EFNA5: variants seen among roughly 807,000 people sequenced by gnomAD.
The protein encoded by EFNA5 is ephrin-A5.
In EFNA5, 5 loss-of-function variants were observed where a neutral mutation model predicts 22.9. That is an observed-to-expected ratio of 0.22 (90% CI 0.11 to 0.46). The LOEUF (loss-of-function observed/expected upper bound fraction) is 0.46. EFNA5 is among the 20% of genes least tolerant of loss of function. The pLI, the probability that EFNA5 is intolerant of heterozygous loss-of-function variation, is 0.99. For missense variants in EFNA5, 237 were observed against 293.3 expected (o/e 0.81, Z 1.40); for synonymous variants, 113 against 112.2 (o/e 1.01, Z -0.04).
At chr5:107,486,385 G>C (rs1746620777) in intron 1 of EFNA5, among the ~76,000 whole-genome samples, 1 of 152,112 alleles carries the variant, frequency 6.6e-6, no homozygotes, top group East Asian at 1.9e-4. Flanking sequence ...GGTTCAGGTA[G>C]CTAGAGAAAC....
chr5:107,431,873 C>G (rs1002523357), intron 1 of EFNA5, among the ~76,000 whole-genome samples: 2 of 152,160 alleles, frequency 1.3e-5, no homozygotes, highest in African/African-American at 4.8e-5. Flanking sequence ...TTTCACTTTA[C>G]CAATGAGTCG....
At chr5:107,429,221 T>A (rs1442046032) in intron 1 of EFNA5, among the ~76,000 whole-genome samples, 1 of 152,180 alleles carries the variant, frequency 6.6e-6, no homozygotes, top group African/African-American at 2.4e-5. Flanking sequence ...GGCAGGCGGA[T>A]CACTTGAGTC....
chr5:107,530,427 G>T (rs1454871478), intron 1 of EFNA5, among the ~76,000 whole-genome samples: 2 of 152,124 alleles, frequency 1.3e-5, no homozygotes, highest in Non-Finnish European at 2.9e-5. Flanking sequence ...TATACACCTG[G>T]CAGGTAAGAG....
At chr5:107,575,033 T>C (rs1748898336) in intron 1 of EFNA5, among the ~76,000 whole-genome samples, 1 of 152,220 alleles carries the variant, frequency 6.6e-6, no homozygotes, top group Non-Finnish European at 1.5e-5. Context: ...TTGCTGATGC[T>C]AACGTGAAAA....
chr5:107,498,290 T>C (rs1444006012), intron 1 of EFNA5, among the ~76,000 whole-genome samples: 2 of 152,254 alleles, frequency 1.3e-5, no homozygotes, highest in African/African-American at 4.8e-5. Context: ...TGTGGAATAA[T>C]ATGACACAAC....
chr5:107,534,604 G>A (rs1747892807), intron 1 of EFNA5, among the ~76,000 whole-genome samples: 1 of 152,088 alleles, frequency 6.6e-6, no homozygotes, highest in South Asian at 2.1e-4. Context: ...CTAGCTGTTT[G>A]TACACATATT....
chr5:107,560,516 T>C (rs1580530739), intron 1 of EFNA5, among the ~76,000 whole-genome samples: 1 of 152,326 alleles, frequency 6.6e-6, no homozygotes, highest in East Asian at 1.9e-4. Flanking sequence ...CTTCTTTCCA[T>C]TGAACTACTT....
At chr5:107,530,298 A>T in intron 1 of EFNA5, among the ~76,000 whole-genome samples, 1 of 152,204 alleles carries the variant, frequency 6.6e-6, no homozygotes, top group Admixed American at 6.5e-5. Flanking sequence ...TGAAGCACAT[A>T]CTGCTTCTTA....
chr5:107,615,399 G>A (rs375926569), intron 1 of EFNA5, among the ~76,000 whole-genome samples: 7 of 152,052 alleles, frequency 4.6e-5, no homozygotes, highest in African/African-American at 9.7e-5. Context: ...TCAGGGGGAG[G>A]GGGGAGTGGT....
chr5:107,664,192 TAG>T (rs1321441807), intron 1 of EFNA5, among the ~76,000 whole-genome samples: 1 of 152,190 alleles, frequency 6.6e-6, no homozygotes, highest in African/African-American at 2.4e-5. Context: ...ATAAATCCTT[TAG>T]AGAGTACAAT....
chr5:107,492,303 T>C (rs1746828025), intron 1 of EFNA5, among the ~76,000 whole-genome samples: 1 of 152,228 alleles, frequency 6.6e-6, no homozygotes, highest in South Asian at 2.1e-4. Context: ...TCAAAGATTT[T>C]ATATCTAAAA....
chr5:107,456,495 T>C (rs1201649627), intron 1 of EFNA5, among the ~76,000 whole-genome samples: 1 of 152,104 alleles, frequency 6.6e-6, no homozygotes, highest in African/African-American at 2.4e-5. Flanking sequence ...GTGTAAAAAG[T>C]GGCATGTGTA....
intron 1 of EFNA5, among the ~76,000 whole-genome samples, chr5:107,650,104 G>C (rs1019997191): frequency 1.2e-4 from 19 of 152,110 alleles, no homozygotes; most frequent in African/African-American, 4.1e-4. Flanking sequence ...ATAAACTATA[G>C]TATAACTCAT....
At chr5:107,640,230 G>C (rs1048750236) in intron 1 of EFNA5, among the ~76,000 whole-genome samples, 1 of 152,068 alleles carries the variant, frequency 6.6e-6, no homozygotes, top group Non-Finnish European at 1.5e-5. Flanking sequence ...GAACAGGATG[G>C]CTAATCTCGA....
intron 1 of EFNA5, among the ~76,000 whole-genome samples, chr5:107,523,005 A>G (rs1433716194): frequency 6.6e-6 from 1 of 152,208 alleles, no homozygotes; most frequent in Non-Finnish European, 1.5e-5. Context: ...CCACTGATAC[A>G]GATTCCACAA....
intron 1 of EFNA5, among the ~76,000 whole-genome samples, chr5:107,430,426 T>G (rs945462879): frequency 1.3e-5 from 2 of 152,162 alleles, no homozygotes; most frequent in African/African-American, 4.8e-5. Flanking sequence ...TCACTCATTT[T>G]AGCTTCCACT....
chr5:107,663,997 T>C, intron 1 of EFNA5, among the ~76,000 whole-genome samples: 1 of 152,144 alleles, frequency 6.6e-6, no homozygotes, highest in East Asian at 1.9e-4. Flanking sequence ...TAACCATCAC[T>C]GTGGTACACT....
chr5:107,430,851 A>G (rs1210144041), intron 1 of EFNA5, among the ~76,000 whole-genome samples: 2 of 135,838 alleles, frequency 1.5e-5, no homozygotes, highest in Admixed American at 1.6e-4. Flanking sequence ...ATCTCGGCTC[A>G]CTGCAACCTC....
intron 1 of EFNA5, among the ~76,000 whole-genome samples, chr5:107,533,625 G>T (rs1747868256): frequency 6.7e-6 from 1 of 150,338 alleles, no homozygotes; most frequent in African/African-American, 2.5e-5. Flanking sequence ...GAAAAGTCCT[G>T]CTCTGCATCT....
Sources: gnomAD v4.1 joint callset for allele counts (sites outside exome capture counted in the v4.1 genomes callset) on GRCh38, gnomAD v4.1.1 for gene constraint, MANE v1.5 for transcripts, NCBI Gene and HGNC (gene_info 2026-07-23, HGNC 2026-07-21) for gene names.